LMOD3: variants seen among roughly 807,000 people sequenced by gnomAD.
The protein encoded by LMOD3 is leiomodin-3.
LMOD3 carries 31 observed loss-of-function variants against 41.8 expected under a neutral mutation model. The observed-to-expected ratio is 0.74, with a 90% CI of 0.56 to 1.00. The LOEUF is 1.00. Ranked by LOEUF, LMOD3 falls within the 50% of genes least tolerant of loss-of-function variation. LMOD3 has a pLI of 0.00. For missense variants in LMOD3, 755 were observed against 679.5 expected (o/e 1.11, Z -1.23); for synonymous variants, 292 against 241.9 (o/e 1.21, Z -1.92).
intron 2 of LMOD3, among the ~76,000 whole-genome samples, chr3:69,117,833 G>GTTTTTTTTTT (rs374336943): frequency 7.6e-6 from 1 of 132,160 alleles, no homozygotes; most frequent in African/African-American, 2.8e-5. Context: ...AATTTGGGTG[G>GTTTTTTTTTT]TTTTTTTTTT....
rs1248095297 is a variant in LMOD3, at chr3:69,119,199, C to T, written c.1156G>A (p.Val386Ile). 1.2e-6 allele frequency: 2 copies of T among 1,613,868 alleles called. No homozygotes were observed. The highest frequency in any genetic ancestry group is 1.7e-5 in the Admixed American group (1 of 60,006). ...TGATTCCTGGTGAGCAGATTAGTGA[C>T]CACCATTCTGGGACCCGGAAGCTCA... ...HFELPGPRMV[V>I]TNLLTRNQDK... Residue 386 changes from valine to isoleucine, a missense_variant, in exon 2 of 3, where the codon GTC becomes ATC. Physicochemically the swap from Val to Ile is conservative, Grantham distance 29. Transcript: ENST00000420581.
chr3:69,119,899 A>T lies in LMOD3; in HGVS notation c.456T>A (p.Asp152Glu), dbSNP rs1388186593. Residue 152 changes from aspartate (D) to glutamate (E), a missense_variant, in exon 2 of 3, where the codon GAT (aspartate) becomes GAA (glutamate). Transcript: ENST00000420581. ...CTTCTCCTTCGTCGTCATCATCATC[A>T]TCTTCTTCTTCTTCATCTTCTTCAT... ...ETDEEDEEEE[D>E]DDDDDEGEDD... 1.4e-6 allele frequency: 2 copies of T among 1,456,550 alleles called. No individual in the cohort carries two copies. Among genetic ancestry groups the T allele is most frequent in the East Asian group, 2.4e-5 (1 of 40,836 alleles). 90.2% of individuals were successfully genotyped at this position (1,456,550 alleles called of 1,614,324 possible). A position where few individuals can be genotyped will look rare whatever the true frequency, so the allele number is the denominator to read the frequency against.
intron 2 of LMOD3, among the ~76,000 whole-genome samples, chr3:69,109,381 TA>T (rs2092337648): frequency 6.6e-6 from 1 of 152,118 alleles, no homozygotes; most frequent in Non-Finnish European, 1.5e-5. Context: ...GGCGGGTGCC[TA>T]AGTTGGCCTG....
chr3:69,110,851 A>ATATATATAT (rs1229866841), intron 2 of LMOD3, among the ~76,000 whole-genome samples: 9 of 120,806 alleles, frequency 7.4e-5, no homozygotes, highest in African/African-American at 3.6e-4. Flanking sequence ...AAAAAAAAAA[A>ATATATATAT]AAATATATAT....
At position 69,108,947 on chromosome 3, in the gene LMOD3, G is replaced by A. The variant is rs1291186386; in HGVS notation, c.*148C>T. 5 of 656,528 alleles carry A rather than the reference G, an allele frequency of 7.6e-6. No homozygotes were observed. Among genetic ancestry groups the A allele is most frequent in the East Asian group, 2.9e-5 (1 of 34,580 alleles). 40.7% of individuals were successfully genotyped at this position (656,528 alleles called of 1,614,324 possible). On this transcript the variant is annotated 3_prime_UTR_variant, in exon 3 of 3. Transcript: ENST00000420581. ...TACTTCTTCATGGCCCAAACATTCT[G>A]CCTTTTACAAATACCCTTATCAGAT...
At position 69,106,784 on chromosome 3, in the gene LMOD3, C is replaced by T. The variant is rs1309956154; in HGVS notation, c.*2311G>A. 2 of 151,450 alleles carry T rather than the reference C, an allele frequency of 1.3e-5. No individual in the cohort carries two copies. Among genetic ancestry groups the T allele is most frequent in the African/African-American group, 4.9e-5 (2 of 41,142 alleles). The allele number at this position is 151,450 out of a possible 1,614,324, so 9.4% of individuals were successfully genotyped here. On this transcript the variant is annotated 3_prime_UTR_variant, in exon 3 of 3. Coordinates refer to ENST00000420581, the MANE Select transcript of LMOD3 (RefSeq NM_198271.5). The stretch of plus-strand genomic sequence containing the variant: ...CTCAGCTCACTGCAACCTCCACCTC[C>T]CATGTTCAGGTGATTCTCCTGCCTC...
chr3:69,120,086 G>C, intron 1 of LMOD3, 26 bp from the exon 2 acceptor site: 1 of 1,563,234 alleles, frequency 6.4e-7, no homozygotes, highest in Non-Finnish European at 8.6e-7. Context: ...ATGAGGGTTA[G>C]AATACATAGC....
At chr3:69,120,184 T>G (rs916578212) in intron 1 of LMOD3, 124 bp from the exon 2 acceptor site, 2 of 1,086,254 alleles carry the variant, frequency 1.8e-6, no homozygotes, top group Admixed American at 7.1e-5. Flanking sequence ...AAATAATCCT[T>G]ATTTAAATAG....
Position 69,106,709 on chromosome 3 carries a change from T to TTTTTA in LMOD3, c.*2385_*2386insTAAAA, listed in dbSNP as rs2092324058. Among the ~76,000 whole-genome samples the TTTTTA allele has an allele frequency of 6.6e-6, 1 of 151,420 alleles. No homozygotes were observed. The highest frequency in any genetic ancestry group is 2.4e-5 in the African/African-American group (1 of 41,230). ...CTTTCTAGAATTTTTTTTTTTTTTT[T>TTTTTA]GAGATGAGGTTTCGCTCTTGTTGCC... is the stretch of plus-strand genomic sequence containing the variant. On this transcript the variant is annotated 3_prime_UTR_variant, in exon 3 of 3. Transcript: ENST00000420581.
intron 2 of LMOD3, among the ~76,000 whole-genome samples, chr3:69,113,786 G>A (rs1278514201): frequency 1.3e-5 from 2 of 152,196 alleles, no homozygotes; most frequent in African/African-American, 4.8e-5. Flanking sequence ...TTTTATCTCA[G>A]TGAAAAGTAC....
At position 69,119,952 on chromosome 3, in the gene LMOD3, T is replaced by G. The variant is rs1381505205; in HGVS notation, c.403A>C (p.Lys135Gln). Reference sequence around the variant, plus strand: ...GTTTCTTGGATATTGCTGCTGCCCTTTGATTCTCTTTTATTTGCAACTATT... The same window carrying G: ...GTTTCTTGGATATTGCTGCTGCCCTGTGATTCTCTTTTATTTGCAACTATT... ...NEIVANKRES[K>Q]GSSNIQETDE... Residue 135 changes from lysine to glutamine, a missense_variant, in exon 2 of 3, where the codon AAG (lysine) becomes CAG (glutamine). By Grantham distance (53) the Lys-to-Gln change is moderately conservative (BLOSUM62 1). Transcript: ENST00000420581. 1.3e-6 allele frequency: 2 copies of G among 1,574,604 alleles called. No individual in the cohort carries two copies. Among genetic ancestry groups the G allele is most frequent in the East Asian group, 2.3e-5 (1 of 43,362 alleles).
Position 69,118,693 on chromosome 3 carries a change from A to C in LMOD3, c.1656+6T>G. 2 of 1,606,462 alleles carry C rather than the reference A, an allele frequency of 1.2e-6. No homozygotes were observed. Among genetic ancestry groups the C allele is most frequent in the Non-Finnish European group, 1.7e-6 (2 of 1,175,954 alleles). Reference sequence around the variant, plus strand: ...TCAGTCACCATTTCTCCCTCCTTCTACTTACAGGTTTAAGATAGGCGACAC... The same window carrying C: ...TCAGTCACCATTTCTCCCTCCTTCTCCTTACAGGTTTAAGATAGGCGACAC... On this transcript the variant is annotated splice_donor_region_variant and intron_variant, in intron 2 of 2. Transcript: ENST00000420581.
intron 1 of LMOD3, 68 bp from the exon 2 acceptor site, chr3:69,120,128 G>C: frequency 6.9e-7 from 1 of 1,458,444 alleles, no homozygotes; most frequent in Non-Finnish European, 9.0e-7. Context: ...GCATCAGCTA[G>C]TGGAGATAAT....
Position 69,122,160 on chromosome 3 carries a change from T to C in LMOD3, c.227A>G (p.Tyr76Cys). 6.2e-7 allele frequency: 1 copy of C among 1,613,000 alleles called. No homozygotes were observed. Among genetic ancestry groups the C allele is most frequent in the Non-Finnish European group, 8.5e-7 (1 of 1,179,528 alleles). ...CATGCGCCTGGATGCCTTTTCCCAATACATATAATCAACAAGAGATTTATG... is the reference window on the plus strand; with the variant it reads ...CATGCGCCTGGATGCCTTTTCCCAACACATATAATCAACAAGAGATTTATG... ...FNHKSLVDYM[Y>C]WEKASRRMLE... The change falls in exon 1 of 3, where the codon TAT becomes TGT. Residue 76 changes from tyrosine (Y) to cysteine (C), a missense_variant. Tyr to Cys is a radical substitution (Grantham distance 194). Coordinates refer to ENST00000420581, the MANE Select transcript of LMOD3 (RefSeq NM_198271.5).
In LMOD3 at chr3:69,106,913, G is replaced by T. The variant is rs868220757; in HGVS notation, c.*2182C>A. 7 of 131,798 alleles carry T rather than the reference G, an allele frequency of 5.3e-5. No individual in the cohort carries two copies. The highest frequency in any genetic ancestry group is 2.1e-4 in the African/African-American group (7 of 34,008). 8.2% of individuals were successfully genotyped at this position (131,798 alleles called of 1,614,324 possible). A position where few individuals can be genotyped will look rare whatever the true frequency, so the allele number is the denominator to read the frequency against. ...AGTAGAAATGGGGTTTCACCATGTT[G>T]GTCAGGCTGGTCTTGAACTCCTGAC... On this transcript the variant is annotated 3_prime_UTR_variant, in exon 3 of 3. Transcript: ENST00000420581.
chr3:69,109,762 C>G (rs868001598), intron 2 of LMOD3, among the ~76,000 whole-genome samples: 9 of 151,996 alleles, frequency 5.9e-5, no homozygotes, highest in African/African-American at 2.2e-4. Context: ...CTCCTGGCCT[C>G]AAGTGATTCA....
rs200045981 is a variant in LMOD3, at chr3:69,118,710, A to G, written c.1645T>C (p.Tyr549His). The G allele has an allele frequency of 5.7e-4, 926 of 1,611,950 alleles. No homozygotes were observed. Among genetic ancestry groups the G allele is most frequent in the Middle Eastern group, 8.3e-4 (5 of 6,044 alleles). The change falls in exon 2 of 3, where the codon TAT becomes CAT. Residue 549 changes from tyrosine to histidine, a missense_variant. Tyr to His is a moderately conservative substitution (Grantham distance 83). Coordinates refer to ENST00000420581, the MANE Select transcript of LMOD3 (RefSeq NM_198271.5). Reference protein sequence around the residue: ...LNDIRHSSVAYLKPVQLPKEL... With the variant: ...LNDIRHSSVAHLKPVQLPKEL... The stretch of plus-strand genomic sequence containing the variant: ...CTCCTTCTACTTACAGGTTTAAGAT[A>G]GGCGACACTGCTGTGACGAATGTCG...
intron 2 of LMOD3, among the ~76,000 whole-genome samples, chr3:69,109,743 G>A (rs2092339387): frequency 1.3e-5 from 2 of 151,886 alleles, no homozygotes; most frequent in African/African-American, 4.8e-5. Flanking sequence ...TGGCCTGGCT[G>A]GTCTCAAACT....
chr3:69,110,085 A>C (rs916211540), intron 2 of LMOD3, among the ~76,000 whole-genome samples: 2 of 152,108 alleles, frequency 1.3e-5, no homozygotes, highest in Non-Finnish European at 2.9e-5. Context: ...GGTCAGAAAT[A>C]TTTAAACATG....
Sources: gnomAD v4.1 joint callset for allele counts (sites outside exome capture counted in the v4.1 genomes callset) on GRCh38, gnomAD v4.1.1 for gene constraint, MANE v1.5 for transcripts, NCBI Gene and HGNC (gene_info 2026-07-23, HGNC 2026-07-21) for gene names.